The following ARHGEF40 variants were observed in gnomAD, a reference collection of about 807,000 sequenced individuals.
The protein encoded by ARHGEF40 is Rho guanine nucleotide exchange factor (GEF) 40.
A neutral mutation model predicts 165.9 loss-of-function variants in ARHGEF40; 98 were observed. The observed-to-expected ratio is 0.59, with a 90% CI of 0.50 to 0.70. The LOEUF (loss-of-function observed/expected upper bound fraction) is 0.70, where lower values mean the gene tolerates loss of function less well. ARHGEF40 is among the 30% of genes least tolerant of loss of function. The pLI, the probability that ARHGEF40 is intolerant of heterozygous loss-of-function variation, is 0.00. For missense variants in ARHGEF40, 1,815 were observed against 1,968.0 expected, an observed-to-expected ratio of 0.92 and a Z score of 1.47; for synonymous variants, 792 against 814.3, an observed-to-expected ratio of 0.97 and a Z score of 0.47.
intron 8 of ARHGEF40, 97 bp downstream of exon 8, chr14:21,076,987 G>A (rs1017506131): frequency 9.2e-7 from 1 of 1,082,084 alleles, no homozygotes; most frequent in Non-Finnish European, 1.4e-6. Context: ...ATACCATGAG[G>A]TTGCAAAAAA....
Position 21,075,905 on chromosome 14 carries a change from C to G in ARHGEF40, c.1739+140C>G. On this transcript the variant is annotated intron_variant, in intron 5 of 23. Transcript: ENST00000298694. This position sits in a 1 kb window ranked among gnomAD's most constrained non-coding sequence, Gnocchi z 4.5. ...AACCTTCAGACTTCAAGCCATTGAC[C>G]TTTGGCCTTACTTACCCTGACCTCC... The G allele has an allele frequency of 2.6e-6, 3 of 1,135,250 alleles. No individual in the cohort carries two copies. The highest frequency in any genetic ancestry group is 3.7e-6 in the Non-Finnish European group (3 of 819,328). 70.3% of individuals were successfully genotyped at this position (1,135,250 alleles called of 1,614,324 possible). A position where few individuals can be genotyped will look rare whatever the true frequency, so the allele number is the denominator to read the frequency against.
At position 21,073,805 on chromosome 14, in the gene ARHGEF40, G is replaced by A. The variant is rs1887169842; in HGVS notation, c.202-127G>A. ...CTGAATACCCCAAATCTCCCCTCCT[G>A]CTCTCCTGAGAGTATAACCTTCCAG... On this transcript the variant is annotated intron_variant, in intron 2 of 23. Transcript: ENST00000298694. This position sits in a 1 kb window ranked among gnomAD's most constrained non-coding sequence, Gnocchi z 4.6. 3.6e-6 allele frequency: 4 copies of A among 1,102,014 alleles called. No individual in the cohort carries two copies. In the South Asian group the frequency reaches 6.3e-5, roughly 17 times the overall value. The allele number at this position is 1,102,014 out of a possible 1,614,324, so 68.3% of individuals were successfully genotyped here.
rs1384617804 is a variant in ARHGEF40 at position 21,083,949 on chromosome 14, A to C, written c.3688A>C (p.Ser1230Arg). 1 of 1,613,940 alleles carries C rather than the reference A, an allele frequency of 6.2e-7. No individual in the cohort carries two copies. The highest frequency in any genetic ancestry group is 1.3e-5 in the African/African-American group (1 of 74,948). ...CCTGAGGGAAGCTGGGCCTGAGCTC[A>C]GTTCTGAGTGCCGGGCCCTTGGGGC... is the stretch of plus-strand genomic sequence containing the variant. ...ELLREAGPEL[S>R]SECRALGAAV... The change falls in exon 17 of 24, where the codon AGT becomes CGT. Residue 1230 changes from serine (S) to arginine (R), a missense_variant. Coordinates refer to ENST00000298694, the MANE Select transcript of ARHGEF40 (RefSeq NM_018071.5).
Position 21,073,988 on chromosome 14 carries a change from A to G in ARHGEF40, c.258A>G (p.Glu86=). 6.2e-7 allele frequency: 1 copy of G among 1,612,786 alleles called. No homozygotes were observed. The highest frequency in any genetic ancestry group is 8.5e-7 in the Non-Finnish European group (1 of 1,179,940). The change falls in exon 3 of 24, where the codon GAA becomes GAG. Residue 86 remains glutamate, a synonymous_variant. Coordinates refer to ENST00000298694, the MANE Select transcript of ARHGEF40 (RefSeq NM_018071.5). This position sits in a 1 kb window ranked among gnomAD's most constrained non-coding sequence, Gnocchi z 4.6. ...FHEGWPLCLH[E]QVVVQLAALP... is the part of the protein sequence containing the mutation. ...AGGGGTGGCCGCTCTGCCTGCATGA[A>G]CAGGTGGTGGTGCAGCTAGCAGCCC...
At position 21,085,836 on chromosome 14, in the gene ARHGEF40, C is replaced by T. The variant is rs775620427; in HGVS notation, c.4108C>T (p.Leu1370=). 6.2e-7 allele frequency: 1 copy of T among 1,614,122 alleles called. No individual in the cohort carries two copies. The highest frequency in any genetic ancestry group is 2.2e-5 in the East Asian group (1 of 44,890). Residue 1370 remains leucine, a synonymous_variant, in exon 19 of 24, where the codon CTG becomes TTG. Transcript: ENST00000298694. ...KLKWTSSIAQ[L]LWRQAAHNKE... The stretch of plus-strand genomic sequence containing the variant: ...CAAGTGGACAAGTTCTATTGCCCAG[C>T]TGCTGTGGAGACAGGCAGCCCACAA...
chr14:21,085,589 A>C (rs1253940755), intron 18 of ARHGEF40, 100 bp from the exon 19 acceptor site: 1 of 1,384,558 alleles, frequency 7.2e-7, no homozygotes, highest in Non-Finnish European at 9.8e-7. Context: ...ACGTTTACTG[A>C]ACATCTATCA....
At chr14:21,066,623 C>T (rs948372969), upstream of ARHGEF40, among the ~76,000 whole-genome samples, 9 of 152,292 alleles carry the variant, frequency 5.9e-5, no homozygotes, top group African/African-American at 1.9e-4. Context: ...CATGAGCCAC[C>T]GTGCCCAGCC....
In ARHGEF40 at chr14:21,074,306, C is replaced by A. The variant is rs113405481; in HGVS notation, c.576C>A (p.Leu192=). 767 of 1,614,156 alleles carry A rather than the reference C, an allele frequency of 4.8e-4. 4 individuals are homozygous for A. In the African/African-American group the frequency reaches 8.2e-3, roughly 17 times the overall value. Reference sequence around the variant, plus strand: ...CACGATTTGTGCACAAAGAGGGCCTCATGGTTGGACATCAGCCAAGTACAC... The same window carrying A: ...CACGATTTGTGCACAAAGAGGGCCTAATGGTTGGACATCAGCCAAGTACAC... The part of the protein sequence containing the change: ...ICPRFVHKEG[L]MVGHQPSTLP... The change falls in exon 3 of 24, where the codon CTC becomes CTA. Residue 192 remains leucine (L), a synonymous_variant. Coordinates refer to ENST00000298694, the MANE Select transcript of ARHGEF40 (RefSeq NM_018071.5). This position sits in a 1 kb window ranked among gnomAD's most constrained non-coding sequence, Gnocchi z 4.8.
In ARHGEF40 at chr14:21,070,433, CG is replaced by C; in HGVS notation, c.3+36del. 7.2e-7 allele frequency: 1 copy of C among 1,395,450 alleles called. No individual in the cohort carries two copies. Among genetic ancestry groups the C allele is most frequent in the Non-Finnish European group, 9.2e-7 (1 of 1,083,192 alleles). The allele number at this position is 1,395,450 out of a possible 1,614,324, so 86.4% of individuals were successfully genotyped here. A position where few individuals can be genotyped will look rare whatever the true frequency, so the allele number is the denominator to read the frequency against. The stretch of plus-strand genomic sequence containing the variant: ...AGCGTCGCAGCCCCCTGGGTCCCCT[CG>C]GCCTTCGCGCAGCCCGCTCCGGGCC... On this transcript the variant is annotated intron_variant, in intron 1 of 23. Transcript: ENST00000298694. The surrounding 1 kb of genome is among the most constrained non-coding windows in gnomAD (Gnocchi z 4.7).
intron 21 of ARHGEF40, 31 bp from the exon 22 acceptor site, chr14:21,087,937 T>C: frequency 1.2e-6 from 2 of 1,613,228 alleles, no homozygotes; most frequent in Non-Finnish European, 1.7e-6. Context: ...AGGGATTCTG[T>C]ACTCTGCTCT....
chr14:21,082,322 C>T lies in ARHGEF40; in HGVS notation c.3330C>T (p.Pro1110=), dbSNP rs367639897. The T allele has an allele frequency of 6.2e-7, 1 of 1,613,066 alleles. No homozygotes were observed. The highest frequency in any genetic ancestry group is 8.5e-7 in the Non-Finnish European group (1 of 1,179,848). Residue 1110 remains proline (P), a synonymous_variant, in exon 15 of 24, where the codon CCC becomes CCT. Transcript: ENST00000298694. ...CCACCTTGAGTGAGCCAGTGCCACC[C>T]CCTGGGCCTGAGCTGACGCCTGAAC... The part of the protein sequence containing the change: ...YVATLSEPVP[P]PGPELTPELR...
intron 19 of ARHGEF40, chr14:21,086,233 T>A (rs1364748995): frequency 3.9e-6 from 1 of 257,862 alleles, no homozygotes; most frequent in African/African-American, 2.2e-5. Context: ...TAAAATTAAC[T>A]GGGCATGGTA....
Position 21,075,833 on chromosome 14 carries a change from C to A in ARHGEF40, c.1739+68C>A. The A allele has an allele frequency of 6.4e-7, 1 of 1,560,840 alleles. No homozygotes were observed. The highest frequency in any genetic ancestry group is 2.3e-5 in the East Asian group (1 of 44,380). On this transcript the variant is annotated intron_variant, in intron 5 of 23. Transcript: ENST00000298694. The surrounding 1 kb of genome is among the most constrained non-coding windows in gnomAD (Gnocchi z 4.5). Reference sequence around the variant, plus strand: ...GATTCATGAGGACCCTCACCTCCTTCTTCTCAGGACACTGACCTTCTGACC... The same window carrying A: ...GATTCATGAGGACCCTCACCTCCTTATTCTCAGGACACTGACCTTCTGACC...
intron 17 of ARHGEF40, among the ~76,000 whole-genome samples, 161 bp from the exon 18 acceptor site, chr14:21,084,592 G>A (rs974209710): frequency 6.6e-6 from 1 of 152,188 alleles, no homozygotes; most frequent in African/African-American, 2.4e-5. Context: ...ACTGTGCATG[G>A]TGACCAGTTG....
chr14:21,067,779 C>CAG (rs1397770336), upstream of ARHGEF40, among the ~76,000 whole-genome samples: 2 of 151,704 alleles, frequency 1.3e-5, no homozygotes, highest in Non-Finnish European at 2.9e-5. Context: ...CACACACACA[C>CAG]ACACACTTTT....
chr14:21,081,531 G>A lies in ARHGEF40; in HGVS notation c.2663G>A (p.Gly888Asp), dbSNP rs549689245. ...FQQAHEWVDE[G>D]FARLAGAGPG... ...TAGGCACATGAATGGGTGGATGAGG[G>A]CTTTGCTCGGCTGGCAGGAGCTGGG... Residue 888 changes from glycine (G) to aspartate (D), a missense_variant, in exon 14 of 24, where the codon GGC (glycine) becomes GAC (aspartate). Physicochemically the swap from Gly to Asp is moderately conservative, Grantham distance 94 (BLOSUM62 -1). Transcript: ENST00000298694. 2 of 1,613,090 alleles carry A rather than the reference G, an allele frequency of 1.2e-6. No individual in the cohort carries two copies. Among genetic ancestry groups the A allele is most frequent in the African/African-American group, 1.3e-5 (1 of 75,064 alleles).
chr14:21,082,532 C>T, intron 15 of ARHGEF40, 54 bp downstream of exon 15: 2 of 1,496,984 alleles, frequency 1.3e-6, no homozygotes, highest in Non-Finnish European at 1.8e-6. Flanking sequence ...GTTCCAGCCT[C>T]ATCCATCTGT....
In ARHGEF40 at chr14:21,084,026, C is replaced by T. The variant is rs148116920; in HGVS notation, c.3765C>T (p.Ala1255=). Residue 1255 remains alanine, a synonymous_variant, in exon 17 of 24, where the codon GCC becomes GCT. Coordinates refer to ENST00000298694, the MANE Select transcript of ARHGEF40 (RefSeq NM_018071.5). ...AGGCCCGTGGCAGAGACCTGCTGGC[C>T]GTGGAGGCGGTGCGTGGCTGTGAGG... is the stretch of plus-strand genomic sequence containing the variant. ...EQEARGRDLL[A]VEAVRGCEID... 1.7e-5 allele frequency: 27 copies of T among 1,610,300 alleles called. No homozygotes were observed. Among genetic ancestry groups the T allele is most frequent in the African/African-American group, 2.7e-5 (2 of 74,826 alleles).
intron 16 of ARHGEF40, 62 bp from the exon 17 acceptor site, chr14:21,083,773 C>A (rs1300579430): frequency 6.6e-7 from 1 of 1,514,850 alleles, no homozygotes; most frequent in Non-Finnish European, 9.0e-7. Context: ...CCCCCCAACC[C>A]CTGAGCTTGG....
Sources: allele counts gnomAD v4.1 joint callset (sites outside exome capture counted in the v4.1 genomes callset), GRCh38; gene constraint gnomAD v4.1.1; non-coding constraint Gnocchi (gnomAD v3.1); transcripts MANE v1.5; gene names NCBI Gene and HGNC (gene_info 2026-07-23, HGNC 2026-07-21).